GLIS3: variants seen among roughly 807,000 people sequenced by gnomAD.
The protein encoded by GLIS3 is GLIS family zinc finger 3.
Under a neutral mutation model 78.6 loss-of-function variants are expected in GLIS3, and 53 were observed. The observed-to-expected ratio is 0.67, with a 90% CI of 0.54 to 0.85. The LOEUF is 0.85. Among genes scored for constraint, GLIS3 ranks in the 40% least tolerant of loss-of-function variants. GLIS3 has a pLI of 0.00. For synonymous variants in GLIS3, 684 were observed against 509.9 expected (o/e 1.34, Z -4.60); for missense variants, 1,703 against 1,231.1 (o/e 1.38, Z -5.74).
At chr9:4,286,584 G>T in intron 1 of GLIS3, 61 bp from the exon 2 acceptor site, 1 of 830,566 alleles carries the variant, frequency 1.2e-6, no homozygotes. Context: ...GATACAGTGA[G>T]TTTTTCAACC....
chr9:4,460,475 C>G, the GLIS3 span, among the ~76,000 whole-genome samples: 1 of 152,184 alleles, frequency 6.6e-6, no homozygotes, highest in Non-Finnish European at 1.5e-5. Context: ...CAGCCACATT[C>G]CTGTGCGCCA....
the GLIS3 span, among the ~76,000 whole-genome samples, chr9:4,395,493 C>T: frequency 1.3e-5 from 2 of 152,108 alleles, no homozygotes; most frequent in South Asian, 2.1e-4. Flanking sequence ...AATCCAGCTC[C>T]GATGCTCTAG....
chr9:4,257,785 G>A (rs1217411248), intron 2 of GLIS3, among the ~76,000 whole-genome samples: 1 of 151,948 alleles, frequency 6.6e-6, no homozygotes, highest in East Asian at 1.9e-4. Flanking sequence ...GTGTTAGCCG[G>A]GATGGTCTCG....
At chr9:3,945,475 A>G (rs1003199597) in intron 4 of GLIS3, among the ~76,000 whole-genome samples, 2 of 152,178 alleles carry the variant, frequency 1.3e-5, no homozygotes, top group African/African-American at 4.8e-5. Context: ...CAGATGATGC[A>G]AAAGTAACTT....
At chr9:3,894,850 C>G (rs143619433) in intron 7 of GLIS3, among the ~76,000 whole-genome samples, 72 of 152,152 alleles carry the variant, frequency 4.7e-4, no homozygotes, top group Non-Finnish European at 8.5e-4. Flanking sequence ...CCCTTCTTCT[C>G]GTAGATTTCT....
the GLIS3 span, among the ~76,000 whole-genome samples, chr9:4,486,240 T>C: frequency 1.3e-5 from 2 of 152,094 alleles, no homozygotes; most frequent in Admixed American, 6.5e-5. Context: ...TCAAGGTCTC[T>C]CTGACTTCCC....
intron 2 of GLIS3, among the ~76,000 whole-genome samples, chr9:4,200,513 A>G (rs1419788746): frequency 6.6e-6 from 1 of 152,206 alleles, no homozygotes. Flanking sequence ...GGATCTTCAG[A>G]GACTATTATG....
Position 3,879,480 on chromosome 9 carries a change from G to T in GLIS3, c.2244C>A (p.His748Gln). 6.2e-7 allele frequency: 1 copy of T among 1,614,152 alleles called. No homozygotes were observed. Among genetic ancestry groups the T allele is most frequent in the Non-Finnish European group, 8.5e-7 (1 of 1,180,008 alleles). ...GTGGAGGTAACTGGGAGGAGGGGTT[G>T]TGAGGGCTCCCCTGTACATTATGTC... ...SPGHNVQGSP[H>Q]NPSSQLPPLT... The change falls in exon 8 of 11, where the codon CAC (histidine) becomes CAA (glutamine). Residue 748 changes from histidine to glutamine, a missense_variant. Physicochemically the swap from His to Gln is conservative, Grantham distance 24 (BLOSUM62 0). Transcript: ENST00000381971.
At position 3,958,453 on chromosome 9, in the gene GLIS3, T is replaced by C. The variant is rs1455642977; in HGVS notation, c.1711-21264A>G. Among the ~76,000 whole-genome samples, 4 of 152,292 alleles carry C rather than the reference T, an allele frequency of 2.6e-5. No homozygotes were observed. In the East Asian group the frequency reaches 7.7e-4, roughly 29 times the overall value. On this transcript the variant is annotated intron_variant, in intron 4 of 10. Coordinates refer to ENST00000381971, the MANE Select transcript of GLIS3 (RefSeq NM_001042413.2). ...AAGCAATAATGCCCACAAGTAATGC[T>C]AGTTGGGGTTGGAGTCAGACTGATG... is the stretch of plus-strand genomic sequence containing the variant.
intron 2 of GLIS3, among the ~76,000 whole-genome samples, chr9:4,243,809 A>G (rs1395592856): frequency 6.6e-6 from 1 of 152,200 alleles, no homozygotes; most frequent in African/African-American, 2.4e-5. Context: ...GTTTGTAACT[A>G]CCACAATGAT....
At chr9:4,296,306 A>G (rs1816500097) in intron 1 of GLIS3, among the ~76,000 whole-genome samples, 1 of 152,032 alleles carries the variant, frequency 6.6e-6, no homozygotes, top group Non-Finnish European at 1.5e-5. Context: ...AAAAAAAAAA[A>G]AAAAGACCGA....
intron 5 of GLIS3, among the ~76,000 whole-genome samples, chr9:3,936,694 C>A (rs1203975776): frequency 2.0e-5 from 3 of 152,296 alleles, no homozygotes; most frequent in African/African-American, 7.2e-5. Flanking sequence ...TATCTCAATA[C>A]TGTTTTTAAT....
the GLIS3 span, among the ~76,000 whole-genome samples, chr9:4,462,896 A>C: frequency 1.3e-5 from 2 of 152,332 alleles, no homozygotes; most frequent in East Asian, 3.9e-4. Flanking sequence ...AAAGTCATCA[A>C]TAGAAATATT....
At chr9:3,953,867 A>T (rs911904696) in intron 4 of GLIS3, among the ~76,000 whole-genome samples, 3 of 147,260 alleles carry the variant, frequency 2.0e-5, no homozygotes, top group African/African-American at 7.5e-5. Context: ...ACACACAAAC[A>T]CATGCACACA....
intron 4 of GLIS3, among the ~76,000 whole-genome samples, chr9:3,969,874 C>T (rs1165548058): frequency 6.6e-6 from 1 of 152,306 alleles, no homozygotes; most frequent in East Asian, 1.9e-4. Context: ...TCACAGTATA[C>T]TTTCAGGGAA....
At chr9:4,122,251 A>T (rs1832248125) in intron 3 of GLIS3, among the ~76,000 whole-genome samples, 1 of 152,238 alleles carries the variant, frequency 6.6e-6, no homozygotes, top group African/African-American at 2.4e-5. Context: ...CACATGGAGA[A>T]TTCCTCAAAA....
chr9:4,126,813 T>C (rs772287133), intron 2 of GLIS3, among the ~76,000 whole-genome samples: 29 of 152,200 alleles, frequency 1.9e-4, no homozygotes, highest in Admixed American at 4.6e-4. Flanking sequence ...CAAGTCTCAG[T>C]AACTATACAC....
chr9:4,418,401 TGC>T, the GLIS3 span, among the ~76,000 whole-genome samples: 1 of 152,262 alleles, frequency 6.6e-6, no homozygotes, highest in Non-Finnish European at 1.5e-5. Flanking sequence ...TTACAGGATT[TGC>T]TCTATCTGTA....
intron 2 of GLIS3, among the ~76,000 whole-genome samples, chr9:4,160,998 CTTA>C (rs1452643125): frequency 6.9e-6 from 1 of 145,594 alleles, no homozygotes. Context: ...AATCCCAGCA[CTTA>C]AGAAGGCTAA....
Sources: gnomAD v4.1 joint callset for allele counts (sites outside exome capture counted in the v4.1 genomes callset) on GRCh38, gnomAD v4.1.1 for gene constraint, MANE v1.5 for transcripts, NCBI Gene and HGNC (gene_info 2026-07-23, HGNC 2026-07-21) for gene names.